The following TRDN variants were observed in gnomAD, a reference collection of about 807,000 sequenced individuals.
The protein encoded by TRDN is triadin in skeletal muscle.
A neutral mutation model predicts 149.7 loss-of-function variants in TRDN; 161 were observed. That is an observed-to-expected ratio of 1.08 (90% confidence interval 0.95 to 1.23). The LOEUF (loss-of-function observed/expected upper bound fraction) is 1.23. TRDN is among the 50% of genes most tolerant of loss of function. The probability of loss-of-function intolerance (pLI) is 0.00; values close to 1 mark genes in which losing one functional copy is unlikely to be tolerated. For synonymous variants in TRDN, 294 were observed against 250.5 expected (o/e 1.17, Z -1.64); for missense variants, 896 against 823.5 (o/e 1.09, Z -1.08).
At chr6:123,512,048 G>A (rs1307115313) in intron 7 of TRDN, among the ~76,000 whole-genome samples, 1 of 150,738 alleles carries the variant, frequency 6.6e-6, no homozygotes, top group African/African-American at 2.4e-5. Context: ...ACCAAGGGGT[G>A]AATGAGGGTT....
chr6:123,259,629 C>T lies in TRDN; in HGVS notation c.1865G>A (p.Ser622Asn). The T allele has an allele frequency of 3.4e-6, 5 of 1,471,098 alleles. No homozygotes were observed. The highest frequency in any genetic ancestry group is 4.6e-6 in the Non-Finnish European group (5 of 1,087,388). 91.1% of individuals were successfully genotyped at this position (1,471,098 alleles called of 1,614,324 possible). A position where few individuals can be genotyped will look rare whatever the true frequency, so the allele number is the denominator to read the frequency against. Residue 622 changes from serine to asparagine, a missense_variant, in exon 35 of 41, where the codon AGT becomes AAT. Ser to Asn is a conservative substitution (Grantham distance 46). Transcript: ENST00000334268. ...KKKTEISEKE[S>N]KEKADMKHLR... ...TCTTAAAATGTCATTTTTACCTTTA[C>T]TTTCTTTTTCAGATATTTCAGTTTT...
chr6:123,232,149 T>C (rs188352936), intron 38 of TRDN, among the ~76,000 whole-genome samples: 58 of 150,974 alleles, frequency 3.8e-4, no homozygotes, highest in African/African-American at 1.3e-3. Flanking sequence ...AGAGCTGAGG[T>C]TGGAAGAATT....
At chr6:123,223,634 G>A (rs1775235040) in intron 39 of TRDN, among the ~76,000 whole-genome samples, 1 of 151,320 alleles carries the variant, frequency 6.6e-6, no homozygotes, top group South Asian at 2.1e-4. Context: ...CTCTGGCTTG[G>A]GCTGGAAGAG....
At chr6:123,591,158 T>C (rs1253186576) in intron 1 of TRDN, among the ~76,000 whole-genome samples, 1 of 152,172 alleles carries the variant, frequency 6.6e-6, no homozygotes, top group Non-Finnish European at 1.5e-5. Flanking sequence ...TATAGTAAAA[T>C]ATTTAAGAAT....
At chr6:123,232,982 T>A (rs1775661816) in intron 38 of TRDN, among the ~76,000 whole-genome samples, 1 of 152,084 alleles carries the variant, frequency 6.6e-6, no homozygotes, top group African/African-American at 2.4e-5. Flanking sequence ...GAAATCCTCG[T>A]AAGTAAACAT....
chr6:123,395,106 G>T (rs72976517), intron 12 of TRDN, among the ~76,000 whole-genome samples: 55,560 of 151,944 alleles, frequency 0.37, 10,605 homozygotes, highest in Middle Eastern at 0.43. Flanking sequence ...ACTGCAATTT[G>T]TAATTAAATT....
At chr6:123,222,740 T>C (rs951175358) in intron 39 of TRDN, among the ~76,000 whole-genome samples, 6 of 151,762 alleles carry the variant, frequency 4.0e-5, no homozygotes, top group African/African-American at 1.4e-4. Context: ...ATATGCAAAC[T>C]GTGTACCTGG....
At chr6:123,400,833 C>T (rs534355287) in intron 12 of TRDN, among the ~76,000 whole-genome samples, 61 of 152,156 alleles carry the variant, frequency 4.0e-4, no homozygotes, top group African/African-American at 1.5e-3. Flanking sequence ...ATAAGAAACA[C>T]ACACACCACT....
At position 123,425,411 on chromosome 6, in the gene TRDN, G is replaced by A. The variant is rs61676168; in HGVS notation, c.1051+12652C>T. 1.4e-3 allele frequency among the ~76,000 whole-genome samples: 207 copies of A among 151,960 alleles called. 1 individual carries two copies. Among genetic ancestry groups the A allele is most frequent in the African/African-American group, 4.8e-3 (197 of 41,450 alleles). On this transcript the variant is annotated intron_variant, in intron 12 of 40. Coordinates refer to ENST00000334268, the MANE Select transcript of TRDN (RefSeq NM_006073.4). ...GTGTGATTTTGGAGTTCAGTGAGAG[G>A]CCCCAGTTGGAGACATACATTTGAG...
intron 23 of TRDN, among the ~76,000 whole-genome samples, chr6:123,326,581 T>A (rs906790899): frequency 5.9e-5 from 9 of 152,108 alleles, no homozygotes; most frequent in Admixed American, 6.5e-5. Flanking sequence ...ACTATTAATG[T>A]TTGGTTTACA....
chr6:123,587,488 G>A (rs1321646508), intron 1 of TRDN, among the ~76,000 whole-genome samples: 1 of 152,148 alleles, frequency 6.6e-6, no homozygotes, highest in African/African-American at 2.4e-5. Flanking sequence ...ATGTTCCTTG[G>A]GCTGGTCGGT....
chr6:123,612,908 G>T (rs1784889878), intron 1 of TRDN, among the ~76,000 whole-genome samples: 1 of 152,136 alleles, frequency 6.6e-6, no homozygotes. Context: ...AATAACACTT[G>T]TGTCTTATAT....
At chr6:123,421,420 A>G (rs1410389753) in intron 12 of TRDN, among the ~76,000 whole-genome samples, 2 of 152,148 alleles carry the variant, frequency 1.3e-5, no homozygotes, top group Non-Finnish European at 2.9e-5. Context: ...TGAAGTGTAA[A>G]TTATCCAGTT....
intron 1 of TRDN, among the ~76,000 whole-genome samples, chr6:123,587,022 T>C (rs1783529233): frequency 6.6e-6 from 1 of 151,280 alleles, no homozygotes; most frequent in South Asian, 2.1e-4. Context: ...TTGCCCCTCC[T>C]CTAGAAAAGC....
intron 8 of TRDN, among the ~76,000 whole-genome samples, chr6:123,501,519 T>C (rs990434232): frequency 1.3e-5 from 2 of 151,734 alleles, no homozygotes; most frequent in Non-Finnish European, 2.9e-5. Flanking sequence ...CATAATGTAA[T>C]TAGTTTTCTT....
intron 12 of TRDN, among the ~76,000 whole-genome samples, chr6:123,403,127 A>G (rs887804645): frequency 1.3e-5 from 2 of 152,192 alleles, no homozygotes; most frequent in African/African-American, 4.8e-5. Flanking sequence ...CTACCATCCT[A>G]TCAAGAAATA....
chr6:123,353,498 T>C (rs1343287246), intron 20 of TRDN, among the ~76,000 whole-genome samples: 2 of 151,852 alleles, frequency 1.3e-5, no homozygotes, highest in African/African-American at 4.8e-5. Context: ...AACTGAAATT[T>C]AGCTAAGCCA....
At chr6:123,345,063 A>AT (rs779308517) in intron 21 of TRDN, among the ~76,000 whole-genome samples, 60 of 151,642 alleles carry the variant, frequency 4.0e-4, no homozygotes, top group Admixed American at 1.1e-3. Flanking sequence ...CAACTTATAT[A>AT]TTTTTTTTCT....
At chr6:123,497,164 C>CAA in intron 9 of TRDN, 29 bp downstream of exon 9, 1 of 1,493,348 alleles carries the variant, frequency 6.7e-7, no homozygotes, top group Non-Finnish European at 8.9e-7. Flanking sequence ...ACTATTAAAA[C>CAA]AGACAAGTAC....
Sources: gnomAD v4.1 joint callset for allele counts (sites outside exome capture counted in the v4.1 genomes callset) on GRCh38, gnomAD v4.1.1 for gene constraint, MANE v1.5 for transcripts, NCBI Gene and HGNC (gene_info 2026-07-23, HGNC 2026-07-21) for gene names.